Variants in ZNF469 observed in about 807,000 individuals in gnomAD.
ZNF469 encodes the protein zinc finger protein 469.
Under a neutral mutation model 1.0 loss-of-function variants are expected in ZNF469, and 1 was observed. The observed-to-expected ratio is 1.00, with a 90% CI of 0.35 to 4.73. ZNF469 has a LOEUF of 4.73. Ranked by LOEUF, ZNF469 falls within the 30% of genes most tolerant of loss-of-function variation. The probability of loss-of-function intolerance (pLI) is 0.16; values close to 1 mark genes in which losing one functional copy is unlikely to be tolerated. For missense variants in ZNF469, 6,100 were observed against 5,356.3 expected (o/e 1.14, Z -4.33); for synonymous variants, 2,703 against 2,363.4 (o/e 1.14, Z -4.17).
In ZNF469 at chr16:88,438,672, C is replaced by T. The variant is rs1313752061; in HGVS notation, c.11202C>T (p.Gly3734=). The T allele has an allele frequency of 2.6e-6, 4 of 1,549,940 alleles. No individual in the cohort carries two copies. Among genetic ancestry groups the T allele is most frequent in the South Asian group, 1.2e-5 (1 of 84,048 alleles). Residue 3734 remains glycine (G), a synonymous_variant, in exon 3 of 3, where the codon GGC becomes GGT. Coordinates refer to ENST00000565624, the MANE Select transcript of ZNF469 (RefSeq NM_001367624.2). ...PKAKPGPSSQ[G]SGSPRPGTKT... ...CCAAACCCGGCCCCAGCTCCCAGGG[C>T]AGTGGAAGCCCTCGCCCCGGCACCA...
chr16:88,151,107 A>G, the ZNF469 span, among the ~76,000 whole-genome samples: 1 of 152,222 alleles, frequency 6.6e-6, no homozygotes, highest in East Asian at 1.9e-4. This position sits in a 1 kb window ranked among gnomAD's most constrained non-coding sequence, Gnocchi z 5.4. Context: ...GCTTTCTGGG[A>G]CCTCAGTGAG....
the ZNF469 span, among the ~76,000 whole-genome samples, chr16:88,114,899 G>A: frequency 6.6e-6 from 1 of 152,222 alleles, no homozygotes; most frequent in Non-Finnish European, 1.5e-5. Flanking sequence ...ACTGGAAACA[G>A]GCCAGGGCGA....
the ZNF469 span, among the ~76,000 whole-genome samples, chr16:88,344,244 G>T: frequency 7.0e-6 from 1 of 142,432 alleles, no homozygotes; most frequent in Non-Finnish European, 1.5e-5. Flanking sequence ...GGGCATGGGG[G>T]GAGAAGAGGC....
At chr16:88,272,189 G>A in the ZNF469 span, among the ~76,000 whole-genome samples, 5,881 of 139,012 alleles carry the variant, frequency 0.042, 232 homozygotes, top group East Asian at 0.15. Context: ...TGGATGAATT[G>A]CGGGTTGTTA....
the ZNF469 span, among the ~76,000 whole-genome samples, chr16:88,128,204 G>A: frequency 0.029 from 4,356 of 152,122 alleles, 210 homozygotes; most frequent in African/African-American, 0.1. Flanking sequence ...CCCCTCTCGA[G>A]GCCAAGGGTT....
At chr16:88,258,582 G>C in the ZNF469 span, among the ~76,000 whole-genome samples, 8 of 152,252 alleles carry the variant, frequency 5.3e-5, no homozygotes, top group Middle Eastern at 6.8e-3. Context: ...CCTTCTTCGT[G>C]GTGACTCTAG....
chr16:88,146,209 G>A, the ZNF469 span, among the ~76,000 whole-genome samples: 1 of 152,236 alleles, frequency 6.6e-6, no homozygotes, highest in Non-Finnish European at 1.5e-5. Context: ...GGGCCCAGGT[G>A]ACTAGACTCA....
the ZNF469 span, among the ~76,000 whole-genome samples, chr16:88,293,922 G>C: frequency 6.6e-6 from 1 of 152,158 alleles, no homozygotes; most frequent in Non-Finnish European, 1.5e-5. Context: ...TGGGGTTCAC[G>C]TGACACAGGT....
intron 1 of ZNF469, among the ~76,000 whole-genome samples, chr16:88,385,473 T>A (rs2092534865): frequency 6.7e-6 from 1 of 148,496 alleles, no homozygotes; most frequent in Non-Finnish European, 1.5e-5. Context: ...CCATCTCTAC[T>A]AAAAAAAAAA....
At chr16:88,246,907 G>A in the ZNF469 span, among the ~76,000 whole-genome samples, 26 of 151,808 alleles carry the variant, frequency 1.7e-4, no homozygotes, top group African/African-American at 6.3e-4. Flanking sequence ...GAGTGAATGA[G>A]TCAATCAGTG....
At chr16:88,314,439 G>T in the ZNF469 span, among the ~76,000 whole-genome samples, 2 of 129,984 alleles carry the variant, frequency 1.5e-5, no homozygotes, top group African/African-American at 5.9e-5. Context: ...TGTAATTCAG[G>T]CAGTGCTGGT....
the ZNF469 span, among the ~76,000 whole-genome samples, chr16:88,273,521 T>C: frequency 7.2e-5 from 11 of 152,270 alleles, no homozygotes; most frequent in Middle Eastern, 3.4e-3. Context: ...GGCAAGGACG[T>C]AGGGACACTG....
At chr16:88,275,332 A>C in the ZNF469 span, among the ~76,000 whole-genome samples, 1 of 152,184 alleles carries the variant, frequency 6.6e-6, no homozygotes, top group Non-Finnish European at 1.5e-5. Context: ...GCACTTTTAC[A>C]TGTAAAACAT....
the ZNF469 span, among the ~76,000 whole-genome samples, chr16:88,246,979 GTGAA>G: frequency 3.5e-4 from 52 of 150,636 alleles, no homozygotes; most frequent in East Asian, 7.8e-4. Context: ...GAGTGAATGA[GTGAA>G]TGAATGAATG....
the ZNF469 span, among the ~76,000 whole-genome samples, chr16:88,292,697 G>A: frequency 2.7e-5 from 4 of 150,210 alleles, no homozygotes; most frequent in African/African-American, 9.8e-5. Flanking sequence ...AGCGCCTCCT[G>A]CTCTGGGCAA....
In ZNF469 at chr16:88,438,711, C is replaced by A. The variant is rs1906782842; in HGVS notation, c.11241C>A (p.Gly3747=). The change falls in exon 3 of 3, where the codon GGC becomes GGA. Residue 3747 remains glycine, a synonymous_variant. Coordinates refer to ENST00000565624, the MANE Select transcript of ZNF469 (RefSeq NM_001367624.2). ...SPRPGTKTGG[G]SQPQPASGQL... ...GCCCCGGCACCAAGACAGGAGGTGGCAGCCAGCCCCAGCCAGCCAGCGGGC... is the reference window on the plus strand; with the variant it reads ...GCCCCGGCACCAAGACAGGAGGTGGAAGCCAGCCCCAGCCAGCCAGCGGGC... 6.5e-7 allele frequency: 1 copy of A among 1,549,970 alleles called. No individual in the cohort carries two copies.
At chr16:88,202,051 C>T in the ZNF469 span, among the ~76,000 whole-genome samples, 3 of 152,136 alleles carry the variant, frequency 2.0e-5, no homozygotes, top group Non-Finnish European at 4.4e-5. Flanking sequence ...TGCCGTGCTC[C>T]CCCCAGGAGT....
chr16:88,236,366 T>C, the ZNF469 span, among the ~76,000 whole-genome samples: 1 of 152,266 alleles, frequency 6.6e-6, no homozygotes, highest in African/African-American at 2.4e-5. Flanking sequence ...GGTGTCTTAT[T>C]GCTACAAACA....
the ZNF469 span, among the ~76,000 whole-genome samples, chr16:88,327,652 G>T: frequency 6.6e-6 from 1 of 152,052 alleles, no homozygotes; most frequent in African/African-American, 2.4e-5. Context: ...CCACCTCCTT[G>T]TTCCTCCCTC....
Sources: gnomAD v4.1 joint callset for allele counts (sites outside exome capture counted in the v4.1 genomes callset) on GRCh38, gnomAD v4.1.1 for gene constraint, Gnocchi (gnomAD v3.1) non-coding constraint, MANE v1.5 for transcripts, NCBI Gene and HGNC (gene_info 2026-07-23, HGNC 2026-07-21) for gene names.